Variants in TMEM184C observed in about 807,000 individuals in gnomAD.
TMEM184C encodes the protein transmembrane protein 184C, also known as transmembrane protein 34.
A neutral mutation model predicts 54.5 loss-of-function variants in TMEM184C; 25 were observed. The observed-to-expected ratio is 0.46, with a 90% CI of 0.33 to 0.64. The LOEUF (loss-of-function observed/expected upper bound fraction) is 0.64. TMEM184C is among the 30% of genes least tolerant of loss of function. The probability of loss-of-function intolerance (pLI) is 0.02; values close to 1 mark genes in which losing one functional copy is unlikely to be tolerated. For missense variants in TMEM184C, 335 were observed against 520.3 expected, an observed-to-expected ratio of 0.64 and a Z score of 3.46; for synonymous variants, 148 against 181.5, an observed-to-expected ratio of 0.82 and a Z score of 1.49.
At chr4:147,623,795 T>G (rs1732760397) in intron 1 of TMEM184C, 39 bp from the exon 2 acceptor site, 3 of 1,603,702 alleles carry the variant, frequency 1.9e-6, no homozygotes, top group Non-Finnish European at 1.7e-6. Context: ...TTTGTTTTAA[T>G]ATCAGAATTT....
intron 1 of TMEM184C, among the ~76,000 whole-genome samples, chr4:147,620,429 G>C (rs920731592): frequency 6.6e-6 from 1 of 152,184 alleles, no homozygotes; most frequent in Admixed American, 6.5e-5. Context: ...GAGGAAACCA[G>C]AAAAGATCTG....
intron 7 of TMEM184C, chr4:147,632,635 C>A: frequency 5.3e-6 from 2 of 374,448 alleles, no homozygotes; most frequent in South Asian, 5.8e-5. Context: ...TCATTATTTG[C>A]TGTTTAAATT....
intron 8 of TMEM184C, 50 bp downstream of exon 8, chr4:147,633,052 ATTT>A (rs1578862314): frequency 6.8e-7 from 1 of 1,480,822 alleles, no homozygotes; most frequent in Non-Finnish European, 9.4e-7. Context: ...TTTGTTAAGC[ATTT>A]TTACATATCT....
rs1011047177 is a variant in TMEM184C, at chr4:147,632,719, G to A, written c.780-184G>A. 5.6e-5 allele frequency: 29 copies of A among 516,856 alleles called. 1 individual carries two copies. Among genetic ancestry groups the A allele is most frequent in the Non-Finnish European group, 5.4e-5 (16 of 293,910 alleles). The allele number at this position is 516,856 out of a possible 1,614,324, so 32.0% of individuals were successfully genotyped here. ...TCCCTATCTTGAGACAAAACTACTA[G>A]AAAAATGAATTTGTAAAGCAAATTA... On this transcript the variant is annotated intron_variant, in intron 7 of 9. Coordinates refer to ENST00000296582, the MANE Select transcript of TMEM184C (RefSeq NM_018241.3).
At chr4:147,630,774 T>A (rs779715667) in intron 6 of TMEM184C, among the ~76,000 whole-genome samples, 13 of 152,034 alleles carry the variant, frequency 8.6e-5, no homozygotes, top group Non-Finnish European at 1.5e-4. Context: ...TACTTTGAAT[T>A]TGCATTTTAT....
chr4:147,631,734 A>G (rs2126554079), intron 7 of TMEM184C, among the ~76,000 whole-genome samples: 1 of 152,334 alleles, frequency 6.6e-6, no homozygotes, highest in South Asian at 2.1e-4. Context: ...AAATATGTCA[A>G]TACTAGAATA....
intron 5 of TMEM184C, among the ~76,000 whole-genome samples, chr4:147,629,082 G>C (rs1365836486): frequency 6.6e-6 from 1 of 152,008 alleles, no homozygotes; most frequent in Admixed American, 6.6e-5. Flanking sequence ...TAATTATGAA[G>C]GCATGCTTTA....
chr4:147,632,944 T>C lies in TMEM184C; in HGVS notation c.821T>C (p.Ile274Thr), dbSNP rs946111461. 6.2e-7 allele frequency: 1 copy of C among 1,614,110 alleles called. No homozygotes were observed. The highest frequency in any genetic ancestry group is 8.5e-7 in the Non-Finnish European group (1 of 1,179,962). Residue 274 changes from isoleucine to threonine, a missense_variant, in exon 8 of 10, where the codon ATT becomes ACT. By Grantham distance (89) the Ile-to-Thr change is moderately conservative. Coordinates refer to ENST00000296582, the MANE Select transcript of TMEM184C (RefSeq NM_018241.3). ...GCTTTGTTGGTAAAAGTTGGCGTTA[T>C]TTCTGAAAAGCATACGTGGGAATGG... ...VIALLVKVGV[I>T]SEKHTWEWQT...
In TMEM184C at chr4:147,634,768, C is replaced by T. The variant is rs1316297520; in HGVS notation, c.*334C>T. ...GACAGACAGAGTCTTGCTCTGTCAC[C>T]CAGGCTGGAGTGCAGTGGCGCAATC... On this transcript the variant is annotated 3_prime_UTR_variant, in exon 10 of 10. Coordinates refer to ENST00000296582, the MANE Select transcript of TMEM184C (RefSeq NM_018241.3). The T allele has an allele frequency of 1.1e-5, 2 of 187,114 alleles. No individual in the cohort carries two copies. The highest frequency in any genetic ancestry group is 2.2e-5 in the Non-Finnish European group (2 of 90,668). The allele number at this position is 187,114 out of a possible 1,614,324, so 11.6% of individuals were successfully genotyped here. A position where few individuals can be genotyped will look rare whatever the true frequency, so the allele number is the denominator to read the frequency against.
intron 4 of TMEM184C, among the ~76,000 whole-genome samples, chr4:147,627,199 T>C (rs1732830713): frequency 6.6e-6 from 1 of 152,206 alleles, no homozygotes; most frequent in South Asian, 2.1e-4. Context: ...CAGAGGCTTG[T>C]CTAAAGTTTG....
Position 147,633,044 on chromosome 4 carries a change from TG to T in TMEM184C, c.879+43del, listed in dbSNP as rs774839280. 68 of 1,550,444 alleles carry T rather than the reference TG, an allele frequency of 4.4e-5. No individual in the cohort carries two copies. In the East Asian group the frequency reaches 1.2e-3, roughly 28 times the overall value. ...CTGAATTCAATAGAACTTTACTATT[TG>T]TTAAGCATTTTTACATATCTCCACT... is the stretch of plus-strand genomic sequence containing the variant. On this transcript the variant is annotated intron_variant, in intron 8 of 9. Transcript: ENST00000296582.
chr4:147,634,459 A>G lies in TMEM184C; in HGVS notation c.*25A>G. 1.9e-6 allele frequency: 3 copies of G among 1,608,080 alleles called. No homozygotes were observed. The highest frequency in any genetic ancestry group is 2.5e-6 in the Non-Finnish European group (3 of 1,176,722). Reference sequence around the variant, plus strand: ...AACAGTATGGAAAAGCAAACTGTGCAACTACTACATTATATCATTACCTGG... The same window carrying G: ...AACAGTATGGAAAAGCAAACTGTGCGACTACTACATTATATCATTACCTGG... On this transcript the variant is annotated 3_prime_UTR_variant, in exon 10 of 10. Coordinates refer to ENST00000296582, the MANE Select transcript of TMEM184C (RefSeq NM_018241.3).
Position 147,636,374 on chromosome 4 carries a change from A to G in TMEM184C, c.*1940A>G, listed in dbSNP as rs1314469115. The G allele has an allele frequency of 6.6e-6, 1 of 152,170 alleles. No homozygotes were observed. The allele number at this position is 152,170 out of a possible 1,614,324, so 9.4% of individuals were successfully genotyped here. ...GACACCAAGAAGACACATCGGGGAA[A>G]GAACAGTCTTCATTAAGTGTTCTTA... On this transcript the variant is annotated 3_prime_UTR_variant, in exon 10 of 10. Transcript: ENST00000296582.
chr4:147,634,321 G>A lies in TMEM184C; in HGVS notation c.1204G>A (p.Gly402Arg). 6.2e-7 allele frequency: 1 copy of A among 1,613,924 alleles called. No individual in the cohort carries two copies. Among genetic ancestry groups the A allele is most frequent in the Non-Finnish European group, 8.5e-7 (1 of 1,179,972 alleles). ...ACCCATGGGTCACTACCAAGGGTTT[G>A]GACACACTGTGACTCCCCAGACTAC... ...PSPMGHYQGF[G>R]HTVTPQTTPT... Residue 402 changes from glycine (G) to arginine (R), a missense_variant, in exon 10 of 10, where the codon GGA becomes AGA. Transcript: ENST00000296582.
In TMEM184C at chr4:147,628,429, T is replaced by C; in HGVS notation, c.566T>C (p.Val189Ala). 6.2e-7 allele frequency: 1 copy of C among 1,613,720 alleles called. No individual in the cohort carries two copies. Among genetic ancestry groups the C allele is most frequent in the Non-Finnish European group, 8.5e-7 (1 of 1,179,870 alleles). ...GTTGTCAGACCTTTCACCACCATCG[T>C]TGCTTTGTAAGTACTCGGATTTTAT... ...YTVVRPFTTI[V>A]ALICELLGIY... The change falls in exon 5 of 10, where the codon GTT becomes GCT. Residue 189 changes from valine to alanine, a missense_variant. Coordinates refer to ENST00000296582, the MANE Select transcript of TMEM184C (RefSeq NM_018241.3).
chr4:147,617,814 G>A lies in TMEM184C; in HGVS notation c.-143G>A. On this transcript the variant is annotated 5_prime_UTR_variant, in exon 1 of 10. Transcript: ENST00000296582. ...AGAAGACACAGCGCCGGTCCAGGAG[G>A]CGGCTCGAGCTGTTCGTAAAGTCGC... 1 of 1,141,284 alleles carries A rather than the reference G, an allele frequency of 8.8e-7. No homozygotes were observed. The highest frequency in any genetic ancestry group is 1.4e-5 in the South Asian group (1 of 73,064). 70.7% of individuals were successfully genotyped at this position (1,141,284 alleles called of 1,614,324 possible). A position where few individuals can be genotyped will look rare whatever the true frequency, so the allele number is the denominator to read the frequency against.
intron 4 of TMEM184C, among the ~76,000 whole-genome samples, chr4:147,627,243 T>C (rs1375855134): frequency 6.6e-6 from 1 of 152,144 alleles, no homozygotes; most frequent in Non-Finnish European, 1.5e-5. Context: ...TGAGAAACCA[T>C]TTATAGGATA....
In TMEM184C at chr4:147,634,530, A is replaced by C; in HGVS notation, c.*96A>C. The C allele has an allele frequency of 7.2e-7, 1 of 1,396,318 alleles. No individual in the cohort carries two copies. Among genetic ancestry groups the C allele is most frequent in the Non-Finnish European group, 9.7e-7 (1 of 1,035,212 alleles). The allele number at this position is 1,396,318 out of a possible 1,614,324, so 86.5% of individuals were successfully genotyped here. On this transcript the variant is annotated 3_prime_UTR_variant, in exon 10 of 10. Transcript: ENST00000296582. ...TGGGACAGACCATAAATGATGGAAA[A>C]TGTCAACACAAAAATAGCTGAAAGC...
chr4:147,626,716 G>A (rs1732821489), intron 4 of TMEM184C, among the ~76,000 whole-genome samples: 1 of 152,156 alleles, frequency 6.6e-6, no homozygotes. Flanking sequence ...GCACAGAACA[G>A]ACATAGACCT....
Sources: gnomAD v4.1 joint callset for allele counts (sites outside exome capture counted in the v4.1 genomes callset) on GRCh38, gnomAD v4.1.1 for gene constraint, MANE v1.5 for transcripts, NCBI Gene and HGNC (gene_info 2026-07-23, HGNC 2026-07-21) for gene names.